EML1: variants seen among roughly 807,000 people sequenced by gnomAD.
EML1 encodes the protein EMAP like 1, also known as echinoderm microtubule-associated protein-like 1.
EML1 carries 27 observed loss-of-function variants against 110.4 expected under a neutral mutation model. That is an observed-to-expected ratio of 0.24 (90% confidence interval 0.18 to 0.34). EML1 has a LOEUF of 0.34. Among genes scored for constraint, EML1 ranks in the 10% least tolerant of loss-of-function variants. The pLI is 1.00. For missense variants in EML1, 741 were observed against 1,030.9 expected (o/e 0.72, Z 3.85); for synonymous variants, 344 against 385.8 (o/e 0.89, Z 1.27).
intron 3 of EML1, among the ~76,000 whole-genome samples, chr14:99,869,833 T>C (rs902021368): frequency 1.3e-5 from 2 of 152,200 alleles, no homozygotes; most frequent in African/African-American, 4.8e-5. Flanking sequence ...TCCTCCCCAC[T>C]TGCTCCCTCT....
rs536437722 is a variant in EML1, at chr14:99,757,219, G to A, written c.28+19359G>A. The stretch of plus-strand genomic sequence containing the variant: ...CTGGGTGTGGTGGTGCATGCCTGTC[G>A]TCGCAGCTACTCGGGAGGCTGAGAC... On this transcript the variant is annotated intron_variant, in intron 1 of 10. Coordinates refer to the EML1 transcript ENST00000554479. Among the ~76,000 whole-genome samples, 242 of 152,174 alleles carry A rather than the reference G, an allele frequency of 1.6e-3. 2 individuals carry two copies. Among genetic ancestry groups the A allele is most frequent in the Non-Finnish European group, 2.5e-3 (167 of 67,992 alleles).
chr14:99,796,954 A>T (rs1195780076), intron 1 of EML1, among the ~76,000 whole-genome samples: 6 of 150,684 alleles, frequency 4.0e-5, no homozygotes, highest in Non-Finnish European at 8.9e-5. Flanking sequence ...TAATAGCTTT[A>T]TTGAAATATT....
At chr14:99,821,265 T>G (rs540946687) in intron 1 of EML1, among the ~76,000 whole-genome samples, 1 of 152,308 alleles carries the variant, frequency 6.6e-6, no homozygotes, top group African/African-American at 2.4e-5. Context: ...CCTCAACATC[T>G]CAAAGTGTTG....
At chr14:99,737,994 T>A in intron 1 of EML1, 1 of 938,446 alleles carries the variant, frequency 1.1e-6, no homozygotes, top group Non-Finnish European at 1.4e-6. Context: ...GCCCGACGCC[T>A]GGGGGGCCTG....
Position 99,838,917 on chromosome 14 carries a change from G to GCGCA in EML1, c.68-11934_68-11933insCACG, listed in dbSNP as rs746012247. Reference sequence around the variant, plus strand: ...CAAAGGTTGGGGAGTGCGCGCGCGCGCGTGTGTGTGTGTGCGCGCGCGCGT... The same window carrying GCGCA: ...CAAAGGTTGGGGAGTGCGCGCGCGCGCGCACGTGTGTGTGTGTGCGCGCGCGCGT... On this transcript the variant is annotated intron_variant, in intron 1 of 21. Coordinates refer to ENST00000262233, the MANE Select transcript of EML1 (RefSeq NM_004434.3). 25 of 116,834 alleles carry GCGCA rather than the reference G, an allele frequency of 2.1e-4. 1 individual carries two copies. The highest frequency in any genetic ancestry group is 1.7e-3 in the Admixed American group (22 of 12,632). The allele number at this position is 116,834 out of a possible 1,614,324, so 7.2% of individuals were successfully genotyped here.
At chr14:99,738,374 A>G (rs2140155322) in intron 1 of EML1, among the ~76,000 whole-genome samples, 1 of 152,332 alleles carries the variant, frequency 6.6e-6, no homozygotes, top group East Asian at 1.9e-4. Flanking sequence ...GGCCAGCGAC[A>G]CAGGCAGGCA....
intron 1 of EML1, among the ~76,000 whole-genome samples, chr14:99,761,148 A>AGCATGGT (rs1352554552): frequency 4.6e-5 from 7 of 152,274 alleles, no homozygotes; most frequent in Middle Eastern, 6.8e-3. Context: ...GAGAAAACTG[A>AGCATGGT]GGCTCAGGGA....
chr14:99,857,113 A>G (rs1439467467), intron 2 of EML1, among the ~76,000 whole-genome samples: 1 of 152,102 alleles, frequency 6.6e-6, no homozygotes, highest in Non-Finnish European at 1.5e-5. Flanking sequence ...CTCTACAAAA[A>G]ATACCGAAAT....
intron 14 of EML1, 28 bp downstream of exon 14, chr14:99,914,332 A>T (rs2059997412): frequency 6.3e-7 from 1 of 1,597,006 alleles, no homozygotes; most frequent in African/African-American, 1.3e-5. Flanking sequence ...AGGCCCGGCA[A>T]ACACTCTCAT....
intron 1 of EML1, among the ~76,000 whole-genome samples, chr14:99,758,291 A>G (rs2057278202): frequency 6.6e-6 from 1 of 152,210 alleles, no homozygotes; most frequent in Admixed American, 6.5e-5. Flanking sequence ...ACAACCTGCC[A>G]GGGGGCTCTT....
intron 16 of EML1, among the ~76,000 whole-genome samples, chr14:99,919,399 CACACACACACATACGCATGCACACAG>C (rs6145466): frequency 0.17 from 23,230 of 138,506 alleles, 1,986 homozygotes; most frequent in East Asian, 0.34. Flanking sequence ...TTTGTATAGC[CACACACACACATACGCATGCACACAG>C]ACACACACAC....
At chr14:99,842,581 C>T (rs115441915) in intron 1 of EML1, among the ~76,000 whole-genome samples, 3,549 of 152,192 alleles carry the variant, frequency 0.023, 136 homozygotes, top group African/African-American at 0.082. Flanking sequence ...TCTGACATTT[C>T]AGTTTTTAAC....
At chr14:99,860,822 C>T (rs2058991476) in intron 2 of EML1, among the ~76,000 whole-genome samples, 1 of 152,132 alleles carries the variant, frequency 6.6e-6, no homozygotes, top group Admixed American at 6.5e-5. Context: ...TCCCTCTCCT[C>T]TTCCTCCTCT....
intron 17 of EML1, among the ~76,000 whole-genome samples, chr14:99,932,401 G>T (rs2060387010): frequency 1.3e-5 from 2 of 152,132 alleles, no homozygotes; most frequent in Admixed American, 1.3e-4. Flanking sequence ...ACTTTGGGAG[G>T]CCGAGGCAAG....
rs768857775 is a variant in EML1, at chr14:99,940,073, C to T, written c.2409C>T (p.Gly803=). 5.0e-5 allele frequency: 80 copies of T among 1,601,642 alleles called. 1 individual carries two copies. The highest frequency in any genetic ancestry group is 3.9e-4 in the South Asian group (35 of 88,630). Reference sequence around the variant, plus strand: ...AAGACAGCCACCTCATCTCCACGGGCGGGAAAGACACAAGCATCATGCAGT... The same window carrying T: ...AAGACAGCCACCTCATCTCCACGGGTGGGAAAGACACAAGCATCATGCAGT... The part of the protein sequence containing the change: ...LCEDSHLIST[G]GKDTSIMQWR... The change falls in exon 22 of 22, where the codon GGC becomes GGT. Residue 803 remains glycine (G), a synonymous_variant. Transcript: ENST00000262233.
intron 1 of EML1, among the ~76,000 whole-genome samples, chr14:99,743,593 G>A (rs7154200): frequency 0.52 from 79,243 of 152,014 alleles, 23,415 homozygotes; most frequent in Middle Eastern, 0.67. Context: ...CCAGCACGTG[G>A]CTCTGCACAT....
chr14:99,909,706 C>T (rs919313961), intron 11 of EML1, among the ~76,000 whole-genome samples: 2 of 152,176 alleles, frequency 1.3e-5, no homozygotes, highest in Non-Finnish European at 2.9e-5. Flanking sequence ...CACCAAGCCT[C>T]CCACAGTGGC....
At chr14:99,907,844 A>G (rs1413672865) in intron 10 of EML1, 111 bp downstream of exon 10, 5 of 924,094 alleles carry the variant, frequency 5.4e-6, no homozygotes, top group East Asian at 2.5e-5. Flanking sequence ...GCCCTTGTGT[A>G]TGACGCCTTC....
upstream of EML1, chr14:99,793,391 C>T (rs1249782010): frequency 2.0e-6 from 2 of 999,204 alleles, no homozygotes; most frequent in Non-Finnish European, 2.4e-6. Flanking sequence ...GCGCCAGCGC[C>T]GGTCGCGGTC....
Sources: gnomAD v4.1 joint callset for allele counts (sites outside exome capture counted in the v4.1 genomes callset) on GRCh38, gnomAD v4.1.1 for gene constraint, MANE v1.5 for transcripts, NCBI Gene and HGNC (gene_info 2026-07-23, HGNC 2026-07-21) for gene names.